KATNAL1: variants seen among roughly 807,000 people sequenced by gnomAD.
KATNAL1 encodes katanin catalytic subunit A1 like 1.
In KATNAL1, 32 loss-of-function variants were observed where a neutral mutation model predicts 55.2. The observed-to-expected ratio is 0.58, with a 90% CI of 0.44 to 0.78. The LOEUF is 0.78. Ranked by LOEUF, KATNAL1 falls within the 30% of genes least tolerant of loss-of-function variation. The pLI is 0.00. For missense variants in KATNAL1, 466 were observed against 600.9 expected, an observed-to-expected ratio of 0.78 and a Z score of 2.35; for synonymous variants, 193 against 193.6, an observed-to-expected ratio of 1.00 and a Z score of 0.02.
chr13:30,243,922 T>G (rs1877524462), intron 4 of KATNAL1, among the ~76,000 whole-genome samples: 1 of 152,094 alleles, frequency 6.6e-6, no homozygotes, highest in Admixed American at 6.5e-5. Context: ...CTTGGAAATC[T>G]CATTATTTTT....
At position 30,261,858 on chromosome 13, in the gene KATNAL1, C is replaced by T. The variant is rs1025366048; in HGVS notation, c.324-6243G>A. Among the ~76,000 whole-genome samples, 65 of 152,094 alleles carry T rather than the reference C, an allele frequency of 4.3e-4. 1 individual carries two copies. Among genetic ancestry groups the T allele is most frequent in the African/African-American group, 1.5e-3 (61 of 41,512 alleles). On this transcript the variant is annotated intron_variant, in intron 3 of 10. Coordinates refer to ENST00000380615, the MANE Select transcript of KATNAL1 (RefSeq NM_032116.5). ...CCCAGGTATTGAACTCAGCTCTGCA[C>T]CAAGCGGACCTAATAGACATCTACA...
chr13:30,246,515 T>C (rs544884548), intron 4 of KATNAL1, among the ~76,000 whole-genome samples: 38 of 152,096 alleles, frequency 2.5e-4, no homozygotes, highest in Non-Finnish European at 3.4e-4. Context: ...ACCAAAGCAA[T>C]GGCAACAAAA....
rs765508121 is a variant in KATNAL1 at position 30,207,923 on chromosome 13, G to A, written c.*617C>T. On this transcript the variant is annotated 3_prime_UTR_variant, in exon 11 of 11. Transcript: ENST00000380615. The stretch of plus-strand genomic sequence containing the variant: ...CTGGCAAAATGATTCAAATACCACA[G>A]AGCGTGAGAATATTCCTCAGTAAAG... 22 of 152,204 alleles carry A rather than the reference G, an allele frequency of 1.4e-4. 1 individual carries two copies. Among genetic ancestry groups the A allele is most frequent in the Admixed American group, 1.4e-3 (22 of 15,288 alleles). 9.4% of individuals were successfully genotyped at this position (152,204 alleles called of 1,614,324 possible).
chr13:30,221,253 C>T (rs550877619), intron 9 of KATNAL1, among the ~76,000 whole-genome samples: 1 of 152,242 alleles, frequency 6.6e-6, no homozygotes, highest in African/African-American at 2.4e-5. Flanking sequence ...ATAACTGTTA[C>T]CAAACTTGCC....
rs1180510586 is a variant in KATNAL1 at position 30,206,909 on chromosome 13, T to C, written c.*1631A>G. 1 of 152,184 alleles carries C rather than the reference T, an allele frequency of 6.6e-6. No homozygotes were observed. Among genetic ancestry groups the C allele is most frequent in the Non-Finnish European group, 1.5e-5 (1 of 68,030 alleles). 9.4% of individuals were successfully genotyped at this position (152,184 alleles called of 1,614,324 possible). On this transcript the variant is annotated 3_prime_UTR_variant, in exon 11 of 11. Coordinates refer to ENST00000380615, the MANE Select transcript of KATNAL1 (RefSeq NM_032116.5). Reference sequence around the variant, plus strand: ...AATCATGATGTCTTATGATCTGGCATCTTATAATCTGTGTCTCAGAAAGAA... The same window carrying C: ...AATCATGATGTCTTATGATCTGGCACCTTATAATCTGTGTCTCAGAAAGAA...
At chr13:30,233,837 C>A (rs1876365977) in intron 6 of KATNAL1, among the ~76,000 whole-genome samples, 1 of 152,046 alleles carries the variant, frequency 6.6e-6, no homozygotes, top group Non-Finnish European at 1.5e-5. Flanking sequence ...TGAAATACAC[C>A]AAGCACAAAA....
At chr13:30,256,885 G>C (rs1241170416) in intron 3 of KATNAL1, among the ~76,000 whole-genome samples, 1 of 152,134 alleles carries the variant, frequency 6.6e-6, no homozygotes, top group Non-Finnish European at 1.5e-5. Flanking sequence ...TATTTACTGA[G>C]GCACCCATTA....
chr13:30,263,767 G>GA (rs1178958980), intron 3 of KATNAL1, among the ~76,000 whole-genome samples: 2 of 136,408 alleles, frequency 1.5e-5, no homozygotes, highest in Non-Finnish European at 3.2e-5. Flanking sequence ...TCATGGGTAG[G>GA]AAGAATCAAT....
intron 3 of KATNAL1, among the ~76,000 whole-genome samples, chr13:30,277,977 C>G (rs995196619): frequency 6.4e-5 from 5 of 78,010 alleles, no homozygotes; most frequent in Middle Eastern, 0.01. Flanking sequence ...AGCGAGACTC[C>G]GTCTCAAAAA....
chr13:30,288,055 C>A lies in KATNAL1; in HGVS notation c.-14-4264G>T, dbSNP rs542446903. On this transcript the variant is annotated intron_variant, in intron 1 of 10. Coordinates refer to ENST00000380615, the MANE Select transcript of KATNAL1 (RefSeq NM_032116.5). ...AGAAGAATGAAACTCTTTTTAGGGACAATATTTCACTTAGTTGGGATTCAA... is the reference window on the plus strand; with the variant it reads ...AGAAGAATGAAACTCTTTTTAGGGAAAATATTTCACTTAGTTGGGATTCAA... Among the ~76,000 whole-genome samples the A allele has an allele frequency of 2.6e-5, 4 of 152,248 alleles. No homozygotes were observed. The East Asian group carries it at 7.7e-4, about 29-fold the overall frequency.
intron 9 of KATNAL1, among the ~76,000 whole-genome samples, chr13:30,225,459 ATAACT>A (rs1269175594): frequency 6.6e-6 from 1 of 152,236 alleles, no homozygotes; most frequent in African/African-American, 2.4e-5. Context: ...AAAAAAACAA[ATAACT>A]TAGATAACCA....
At chr13:30,303,922 G>C (rs1883020252) in intron 1 of KATNAL1, among the ~76,000 whole-genome samples, 1 of 152,178 alleles carries the variant, frequency 6.6e-6, no homozygotes, top group Non-Finnish European at 1.5e-5. Flanking sequence ...GTCTAGAACA[G>C]GGCCTTTCTA....
At chr13:30,215,923 A>C (rs59963638) in intron 9 of KATNAL1, among the ~76,000 whole-genome samples, 7,441 of 152,094 alleles carry the variant, frequency 0.049, 274 homozygotes, top group African/African-American at 0.098. Flanking sequence ...CTTAAAGTAT[A>C]ATAATAATAA....
intron 3 of KATNAL1, among the ~76,000 whole-genome samples, chr13:30,274,907 G>GCGCGCGCGCGCGCGCGCGCGCGCACA (rs869107567): frequency 9.5e-6 from 1 of 105,388 alleles, no homozygotes; most frequent in Non-Finnish European, 1.9e-5. Flanking sequence ...GCGCGCGCGC[G>GCGCGCGCGCGCGCGCGCGCGCGCACA]CACACACACA....
intron 6 of KATNAL1, among the ~76,000 whole-genome samples, chr13:30,232,710 G>A (rs1237683773): frequency 1.3e-5 from 2 of 152,160 alleles, no homozygotes; most frequent in South Asian, 2.1e-4. Context: ...GCTACTGTAC[G>A]ATATTTATAA....
intron 3 of KATNAL1, among the ~76,000 whole-genome samples, chr13:30,263,925 C>A (rs1409074445): frequency 6.6e-6 from 1 of 150,612 alleles, no homozygotes. Flanking sequence ...AAAGTCAATC[C>A]TAAGCCAAAA....
rs1873104614 is a variant in KATNAL1 at position 30,205,949 on chromosome 13, T to TGC, written c.*2590_*2591insGC. ...TAGTGTGTGTGTGTGTGTGTGTGTG[T>TGC]GTGTGTGTGTGTGTGTGTGTGTGTG... On this transcript the variant is annotated 3_prime_UTR_variant, in exon 11 of 11. Coordinates refer to ENST00000380615, the MANE Select transcript of KATNAL1 (RefSeq NM_032116.5). 1 of 62,560 alleles carries TGC rather than the reference T, an allele frequency of 1.6e-5. No individual in the cohort carries two copies. Among genetic ancestry groups the TGC allele is most frequent in the African/African-American group, 3.6e-5 (1 of 27,432 alleles). 3.9% of individuals were successfully genotyped at this position (62,560 alleles called of 1,614,324 possible). A position where few individuals can be genotyped will look rare whatever the true frequency, so the allele number is the denominator to read the frequency against.
intron 10 of KATNAL1, among the ~76,000 whole-genome samples, chr13:30,209,612 G>A (rs1012492982): frequency 2.6e-5 from 4 of 152,188 alleles, no homozygotes; most frequent in Non-Finnish European, 4.4e-5. Flanking sequence ...AATTTTAAAC[G>A]TGTATCTTCC....
chr13:30,280,910 A>G (rs886348305), intron 2 of KATNAL1, among the ~76,000 whole-genome samples: 3 of 152,128 alleles, frequency 2.0e-5, no homozygotes, highest in East Asian at 3.8e-4. Flanking sequence ...TTTCCAAAGC[A>G]AACAGATAAA....
Sources: allele counts gnomAD v4.1 joint callset (sites outside exome capture counted in the v4.1 genomes callset), GRCh38; gene constraint gnomAD v4.1.1; transcripts MANE v1.5; gene names NCBI Gene and HGNC (gene_info 2026-07-23, HGNC 2026-07-21).